PRORP: variants seen among roughly 807,000 people sequenced by gnomAD.
PRORP encodes mitochondrial ribonuclease P catalytic subunit.
PRORP carries 51 observed loss-of-function variants against 59.4 expected under a neutral mutation model. The ratio of observed to expected loss-of-function variants is 0.86; its 90% CI spans 0.69 to 1.08. The LOEUF (loss-of-function observed/expected upper bound fraction) is 1.08, where lower values mean the gene tolerates loss of function less well. Among genes scored for constraint, PRORP ranks in the 50% least tolerant of loss-of-function variants. The pLI, the probability that PRORP is intolerant of heterozygous loss-of-function variation, is 0.00. For missense variants in PRORP, 646 were observed against 690.3 expected (o/e 0.94, Z 0.72); for synonymous variants, 231 against 245.6 (o/e 0.94, Z 0.55).
chr14:35,161,315 TCCTG>T (rs2048054140), intron 4 of PRORP, among the ~76,000 whole-genome samples: 1 of 152,194 alleles, frequency 6.6e-6, no homozygotes, highest in African/African-American at 2.4e-5. Flanking sequence ...CCCACTTTAT[TCCTG>T]AGGAACGTAA....
At chr14:35,171,997 C>T (rs1411002288) in intron 4 of PRORP, among the ~76,000 whole-genome samples, 1 of 151,378 alleles carries the variant, frequency 6.6e-6, no homozygotes, top group Non-Finnish European at 1.5e-5. Flanking sequence ...TTCTAGTTTA[C>T]AGTCTCTGTG....
At chr14:35,244,187 A>G (rs2050428527) in intron 5 of PRORP, among the ~76,000 whole-genome samples, 1 of 152,240 alleles carries the variant, frequency 6.6e-6, no homozygotes, top group African/African-American at 2.4e-5. Flanking sequence ...AAAACTTTTC[A>G]TAAGTCCTCA....
At chr14:35,199,144 G>A (rs1287319275) in intron 5 of PRORP, among the ~76,000 whole-genome samples, 2 of 151,770 alleles carry the variant, frequency 1.3e-5, no homozygotes, top group African/African-American at 4.8e-5. Context: ...CTCCAGCCTG[G>A]GCAACAAGAG....
intron 7 of PRORP, among the ~76,000 whole-genome samples, chr14:35,270,876 G>T (rs967193368): frequency 2.0e-5 from 3 of 151,840 alleles, no homozygotes; most frequent in Non-Finnish European, 4.4e-5. Context: ...GAGGTCAGGA[G>T]ATCGAGACCA....
At chr14:35,156,618 T>C (rs2047919375) in intron 4 of PRORP, among the ~76,000 whole-genome samples, 1 of 152,216 alleles carries the variant, frequency 6.6e-6, no homozygotes, top group African/African-American at 2.4e-5. Flanking sequence ...AAACCACTAA[T>C]GGCAAAAGTG....
At chr14:35,212,044 C>T (rs2049460900) in intron 5 of PRORP, among the ~76,000 whole-genome samples, 1 of 152,196 alleles carries the variant, frequency 6.6e-6, no homozygotes, top group Admixed American at 6.6e-5. Context: ...TTCAGGAGTA[C>T]ATTTTGATTC....
At chr14:35,151,717 A>G (rs2047755097) in intron 4 of PRORP, among the ~76,000 whole-genome samples, 1 of 151,976 alleles carries the variant, frequency 6.6e-6, no homozygotes, top group African/African-American at 2.4e-5. Context: ...ATAGAGTGAA[A>G]GCACCACAAG....
chr14:35,190,678 G>T (rs1421584778), intron 5 of PRORP, among the ~76,000 whole-genome samples: 2 of 151,874 alleles, frequency 1.3e-5, no homozygotes, highest in Non-Finnish European at 2.9e-5. Flanking sequence ...GCTAATTTAT[G>T]TATTTTTAGT....
rs1445365686 is a variant in PRORP, at chr14:35,273,490, C to T, written c.1676C>T (p.Pro559Leu). The change falls in exon 8 of 8, where the codon CCA becomes CTA. Residue 559 changes from proline (P) to leucine (L), a missense_variant. Transcript: ENST00000534898. ...VQTTGDSWHI[P>L]YDEDLVERCS... ...ACAACTGGAGACTCGTGGCACATAC[C>T]ATATGATGAAGACTTGGTAGAAAGA... is the stretch of plus-strand genomic sequence containing the variant. 3 of 1,613,370 alleles carry T rather than the reference C, an allele frequency of 1.9e-6. No homozygotes were observed. The African/African-American group carries it at 4.0e-5, about 22-fold the overall frequency.
At chr14:35,219,273 G>A (rs747628765) in intron 5 of PRORP, 12 of 152,266 alleles carry the variant, frequency 7.9e-5, no homozygotes, top group African/African-American at 2.9e-4. Context: ...GAGGAAGGCA[G>A]TCAGGAACAT....
intron 5 of PRORP, among the ~76,000 whole-genome samples, chr14:35,228,603 C>G (rs374391599): frequency 6.6e-6 from 1 of 152,150 alleles, no homozygotes; most frequent in Non-Finnish European, 1.5e-5. Flanking sequence ...TAATCGCCTC[C>G]GGCTGCATCC....
At chr14:35,174,816 A>G (rs1271561813) in intron 4 of PRORP, among the ~76,000 whole-genome samples, 2 of 148,884 alleles carry the variant, frequency 1.3e-5, no homozygotes, top group African/African-American at 2.5e-5. Flanking sequence ...GTTTGTATAC[A>G]TGTGCCATGT....
At chr14:35,192,637 C>A (rs897368992) in intron 5 of PRORP, among the ~76,000 whole-genome samples, 1 of 152,112 alleles carries the variant, frequency 6.6e-6, no homozygotes, top group African/African-American at 2.4e-5. Flanking sequence ...ATAATTGGTG[C>A]TGTGAGACCC....
At position 35,176,389 on chromosome 14, in the gene PRORP, C is replaced by T. The variant is rs538521771; in HGVS notation, c.1168-4281C>T. ...TATCCATGAGCATGGAATGTTCTTCCATTTGTTTGTGTCCTTTTTTATTTC... is the reference window on the plus strand; with the variant it reads ...TATCCATGAGCATGGAATGTTCTTCTATTTGTTTGTGTCCTTTTTTATTTC... On this transcript the variant is annotated intron_variant, in intron 4 of 7. Coordinates refer to ENST00000534898, the MANE Select transcript of PRORP (RefSeq NM_014672.4). Among the ~76,000 whole-genome samples the T allele has an allele frequency of 1.3e-3, 193 of 152,130 alleles. 1 individual carries two copies. Among genetic ancestry groups the T allele is most frequent in the Admixed American group, 2.8e-3 (42 of 15,262 alleles).
intron 5 of PRORP, among the ~76,000 whole-genome samples, chr14:35,188,961 A>AGAAAGAAAT (rs59671236): frequency 7.5e-6 from 1 of 132,776 alleles, no homozygotes; most frequent in Admixed American, 8.2e-5. Context: ...AAAAAAAAAA[A>AGAAAGAAAT]AAAGTATTGC....
In PRORP at chr14:35,224,278, A is replaced by C. The variant is rs111290218; in HGVS notation, c.1276-42449A>C. Reference sequence around the variant, plus strand: ...GAGATATTCTCTATCATAGGAGCCAAAATTTGTCTTAAATCAGATAAGTAT... The same window carrying C: ...GAGATATTCTCTATCATAGGAGCCACAATTTGTCTTAAATCAGATAAGTAT... On this transcript the variant is annotated intron_variant, in intron 5 of 7. Transcript: ENST00000534898. Among the ~76,000 whole-genome samples the C allele has an allele frequency of 5.3e-5, 8 of 152,376 alleles. 3 individuals are homozygous for C. Among genetic ancestry groups the C allele is most frequent in the African/African-American group, 1.9e-4 (8 of 41,602 alleles).
At chr14:35,222,502 C>T (rs2049813821) in intron 5 of PRORP, 1 of 152,190 alleles carries the variant, frequency 6.6e-6, no homozygotes, top group South Asian at 2.1e-4. Context: ...CGGTGCCAGC[C>T]CTGCCTCTCC....
chr14:35,246,935 T>G (rs2050502087), intron 5 of PRORP, among the ~76,000 whole-genome samples: 1 of 152,202 alleles, frequency 6.6e-6, no homozygotes, highest in Non-Finnish European at 1.5e-5. Flanking sequence ...CCGTCCCGAT[T>G]GCGTAGTAAT....
chr14:35,266,803 G>T lies in PRORP; in HGVS notation c.1352G>T (p.Arg451Leu). The T allele has an allele frequency of 6.2e-7, 1 of 1,614,140 alleles. No homozygotes were observed. Among genetic ancestry groups the T allele is most frequent in the Non-Finnish European group, 8.5e-7 (1 of 1,180,024 alleles). Reference protein sequence around the residue: ...LVLGRKHMLRRSSQWSRDEME... With the variant: ...LVLGRKHMLRLSSQWSRDEME... Reference sequence around the variant, plus strand: ...CTAGGCCGGAAGCACATGCTAAGACGGAGTTCCCAGTGGAGTCGGGATGAG... The same window carrying T: ...CTAGGCCGGAAGCACATGCTAAGACTGAGTTCCCAGTGGAGTCGGGATGAG... The change falls in exon 6 of 8, where the codon CGG (arginine) becomes CTG (leucine). Residue 451 changes from arginine (R) to leucine (L), a missense_variant. Coordinates refer to ENST00000534898, the MANE Select transcript of PRORP (RefSeq NM_014672.4).
Sources: allele counts gnomAD v4.1 joint callset (sites outside exome capture counted in the v4.1 genomes callset), GRCh38; gene constraint gnomAD v4.1.1; transcripts MANE v1.5; gene names NCBI Gene and HGNC (gene_info 2026-07-23, HGNC 2026-07-21).